The following HS2ST1 variants were observed in gnomAD, a reference collection of about 807,000 sequenced individuals.
HS2ST1 encodes the protein heparan sulfate 2-O-sulfotransferase 1, also known as 2-O-sulfotransferase.
In HS2ST1, 18 loss-of-function variants were observed where a neutral mutation model predicts 42.9. The ratio of observed to expected loss-of-function variants is 0.42; its 90% confidence interval spans 0.29 to 0.62. The LOEUF (loss-of-function observed/expected upper bound fraction) is 0.62. Among genes scored for constraint, HS2ST1 ranks in the 20% least tolerant of loss-of-function variants. The pLI, the probability that HS2ST1 is intolerant of heterozygous loss-of-function variation, is 0.21. For synonymous variants in HS2ST1, 146 were observed against 152.9 expected (o/e 0.95, Z 0.33); for missense variants, 334 against 433.8 (o/e 0.77, Z 2.04).
intron 1 of HS2ST1, among the ~76,000 whole-genome samples, chr1:87,007,943 G>A (rs988171364): frequency 2.0e-5 from 3 of 151,888 alleles, no homozygotes; most frequent in Non-Finnish European, 4.4e-5. Flanking sequence ...CTTCTTATTT[G>A]CAAATTAAAG....
intron 1 of HS2ST1, among the ~76,000 whole-genome samples, chr1:86,917,743 T>C (rs143331537): frequency 6.6e-6 from 1 of 152,332 alleles, no homozygotes; most frequent in African/African-American, 2.4e-5. Context: ...GAATAGAGTT[T>C]TAAAATTGTA....
At chr1:87,025,450 A>G (rs1249549842) in intron 1 of HS2ST1, among the ~76,000 whole-genome samples, 1 of 152,216 alleles carries the variant, frequency 6.6e-6, no homozygotes, top group East Asian at 1.9e-4. Flanking sequence ...TGGGAAATAC[A>G]GTTTTCAGAT....
chr1:87,082,865 T>C (rs904988377), intron 2 of HS2ST1, among the ~76,000 whole-genome samples: 3 of 152,224 alleles, frequency 2.0e-5, no homozygotes, highest in Admixed American at 6.5e-5. Flanking sequence ...ATTGAAAATA[T>C]CTGCTAAAAT....
At chr1:87,094,952 AAAT>A (rs1225353839) in intron 4 of HS2ST1, among the ~76,000 whole-genome samples, 1 of 152,164 alleles carries the variant, frequency 6.6e-6, no homozygotes, top group Non-Finnish European at 1.5e-5. Flanking sequence ...TGATTTATAA[AAAT>A]AAGAAATTAC....
chr1:87,058,325 TC>T (rs2100620422), intron 1 of HS2ST1, among the ~76,000 whole-genome samples: 1 of 151,968 alleles, frequency 6.6e-6, no homozygotes, highest in South Asian at 2.1e-4. Flanking sequence ...CACAGTCATA[TC>T]TTTTTTTCTG....
intron 1 of HS2ST1, among the ~76,000 whole-genome samples, chr1:87,000,333 A>G (rs1317470493): frequency 6.6e-6 from 1 of 152,212 alleles, no homozygotes; most frequent in Non-Finnish European, 1.5e-5. Flanking sequence ...AACATTGAAG[A>G]TTATCATCCC....
At chr1:86,937,834 C>T (rs756143839) in intron 1 of HS2ST1, among the ~76,000 whole-genome samples, 36 of 151,196 alleles carry the variant, frequency 2.4e-4, no homozygotes, top group Non-Finnish European at 3.7e-4. Flanking sequence ...CATTGGCATT[C>T]GTTGGTACCT....
chr1:87,039,060 G>A (rs1272462143), intron 1 of HS2ST1, among the ~76,000 whole-genome samples: 1 of 152,134 alleles, frequency 6.6e-6, no homozygotes, highest in Non-Finnish European at 1.5e-5. Context: ...GCTGAACCCT[G>A]TACTGATATG....
At chr1:86,976,721 T>TATATATA (rs61660936) in intron 1 of HS2ST1, among the ~76,000 whole-genome samples, 15 of 135,674 alleles carry the variant, frequency 1.1e-4, no homozygotes, top group African/African-American at 1.6e-4. Flanking sequence ...TATATATATA[T>TATATATA]TTTAAATGCC....
At chr1:87,063,658 T>G (rs1651173708) in intron 1 of HS2ST1, among the ~76,000 whole-genome samples, 1 of 152,152 alleles carries the variant, frequency 6.6e-6, no homozygotes, top group Non-Finnish European at 1.5e-5. Context: ...GTATCTTCAT[T>G]TTCTCTACTG....
chr1:86,972,270 G>A (rs939260561), intron 1 of HS2ST1, among the ~76,000 whole-genome samples: 1 of 152,296 alleles, frequency 6.6e-6, no homozygotes, highest in African/African-American at 2.4e-5. Flanking sequence ...AAATTGATGA[G>A]TACAGTATAA....
chr1:87,001,402 A>G (rs1474284329), intron 1 of HS2ST1, among the ~76,000 whole-genome samples: 1 of 152,138 alleles, frequency 6.6e-6, no homozygotes, highest in African/African-American at 2.4e-5. Context: ...TTGCCCTGTC[A>G]TTTTTTATGT....
intron 1 of HS2ST1, among the ~76,000 whole-genome samples, chr1:86,915,514 G>A (rs761910256): frequency 2.1e-4 from 32 of 152,200 alleles, no homozygotes; most frequent in African/African-American, 7.2e-4. Flanking sequence ...TTAGCATCGC[G>A]TGTTCTCTTG....
intron 1 of HS2ST1, among the ~76,000 whole-genome samples, chr1:87,015,053 TTTG>T (rs1649710608): frequency 2.1e-4 from 2 of 9,540 alleles, no homozygotes. Flanking sequence ...TAGTTTTTTG[TTTG>T]TTTGTTTGTT....
chr1:87,071,741 A>AG (rs1189442654), intron 1 of HS2ST1, among the ~76,000 whole-genome samples: 1 of 151,880 alleles, frequency 6.6e-6, no homozygotes, highest in African/African-American at 2.4e-5. Context: ...AAAAAAAAAA[A>AG]AAAAAGATGA....
chr1:86,927,542 C>T (rs1660448333), intron 1 of HS2ST1, among the ~76,000 whole-genome samples: 1 of 152,124 alleles, frequency 6.6e-6, no homozygotes, highest in Non-Finnish European at 1.5e-5. Context: ...ATTAGTATCA[C>T]CTTATGTTTT....
At chr1:87,015,517 C>T (rs906467683) in intron 1 of HS2ST1, among the ~76,000 whole-genome samples, 13 of 150,900 alleles carry the variant, frequency 8.6e-5, no homozygotes, top group Non-Finnish European at 1.8e-4. Flanking sequence ...GCTAATTTTT[C>T]GTATTTTTAG....
intron 1 of HS2ST1, among the ~76,000 whole-genome samples, chr1:86,997,524 A>T (rs1649139168): frequency 6.6e-6 from 1 of 152,186 alleles, no homozygotes; most frequent in African/African-American, 2.4e-5. Flanking sequence ...TGTTTAAAGA[A>T]ATACAGTAAT....
chr1:87,001,331 A>G (rs1048532511), intron 1 of HS2ST1, among the ~76,000 whole-genome samples: 6 of 152,270 alleles, frequency 3.9e-5, no homozygotes, highest in Admixed American at 3.3e-4. Context: ...TAAGTTTCAA[A>G]TCTTTATTTA....
Sources: allele counts gnomAD v4.1 joint callset (sites outside exome capture counted in the v4.1 genomes callset), GRCh38; gene constraint gnomAD v4.1.1; transcripts MANE v1.5; gene names NCBI Gene and HGNC (gene_info 2026-07-23, HGNC 2026-07-21).